RP1: variants seen among roughly 807,000 people sequenced by gnomAD.
RP1 encodes RP1 axonemal microtubule associated, also known as oxygen-regulated protein 1.
In RP1, 16 loss-of-function variants were observed where a neutral mutation model predicts 14.8. That is an observed-to-expected ratio of 1.08 (90% CI 0.73 to 1.65). The LOEUF is 1.65. RP1 is among the 40% of genes most tolerant of loss of function. RP1 has a pLI of 0.00. For missense variants in RP1, 2,631 were observed against 2,535.0 expected (o/e 1.04, Z -0.81); for synonymous variants, 876 against 883.6 (o/e 0.99, Z 0.15).
At chr8:54,853,994 AAAGAAAAGAAAAGAAATGAAGG>A (rs1178582673) in intron 26 of RP1, among the ~76,000 whole-genome samples, 2 of 151,920 alleles carry the variant, frequency 1.3e-5, no homozygotes, top group African/African-American at 4.8e-5. Flanking sequence ...AGGAAGAAAG[AAAGAAAAGAAAAGAAATGAAGG>A]AAAGAAAATA....
At chr8:54,718,762 C>T (rs974584488) in intron 15 of RP1, among the ~76,000 whole-genome samples, 4 of 152,120 alleles carry the variant, frequency 2.6e-5, no homozygotes, top group South Asian at 2.1e-4. Flanking sequence ...TATACCATTC[C>T]AATTATAGGA....
chr8:54,862,179 A>T (rs1812356144), intron 27 of RP1, among the ~76,000 whole-genome samples: 1 of 152,182 alleles, frequency 6.6e-6, no homozygotes, highest in South Asian at 2.1e-4. Flanking sequence ...AAATCCGTAG[A>T]AGTCAGTTGC....
At chr8:54,724,838 T>C (rs1250932899) in intron 16 of RP1, among the ~76,000 whole-genome samples, 1 of 152,196 alleles carries the variant, frequency 6.6e-6, no homozygotes, top group East Asian at 1.9e-4. Context: ...TTTTGAGAAG[T>C]GGAGGTAGAA....
intron 24 of RP1, among the ~76,000 whole-genome samples, chr8:54,822,665 A>G (rs577117712): frequency 6.6e-6 from 1 of 152,350 alleles, no homozygotes; most frequent in Admixed American, 6.5e-5. Context: ...AGGGAAAAAT[A>G]TAGAGAACTA....
chr8:54,831,838 T>A (rs1347237373), intron 24 of RP1, among the ~76,000 whole-genome samples: 4 of 151,806 alleles, frequency 2.6e-5, no homozygotes, highest in Non-Finnish European at 4.4e-5. Context: ...GTAGTACAAG[T>A]TGGCTAGTTA....
chr8:54,774,759 A>G (rs1809993179), downstream of RP1, among the ~76,000 whole-genome samples: 1 of 152,230 alleles, frequency 6.6e-6, no homozygotes, highest in African/African-American at 2.4e-5. Context: ...CTGAAACAGT[A>G]ATAAAATACA....
intron 22 of RP1, among the ~76,000 whole-genome samples, chr8:54,768,785 T>C (rs1809828331): frequency 6.6e-6 from 1 of 152,194 alleles, no homozygotes; most frequent in Non-Finnish European, 1.5e-5. Flanking sequence ...AGGGAGCTTC[T>C]AACACTAAAG....
intron 1 of RP1, among the ~76,000 whole-genome samples, chr8:54,599,961 G>C (rs1377739915): frequency 6.6e-6 from 1 of 152,098 alleles, no homozygotes; most frequent in Non-Finnish European, 1.5e-5. Flanking sequence ...TGGAAGCTCT[G>C]GCCACTTACA....
chr8:54,794,176 T>A (rs1318038560), intron 24 of RP1, among the ~76,000 whole-genome samples: 1 of 151,708 alleles, frequency 6.6e-6, no homozygotes, highest in Non-Finnish European at 1.5e-5. Flanking sequence ...CTATCAAAAT[T>A]TCAATAGCAT....
rs1807236479 is a variant in RP1, at chr8:54,673,929, G to C, written c.1402+1G>C. On this transcript the variant is annotated splice_donor_variant, in intron 8 of 22. Transcript: ENST00000636932. LOFTEE classifies it high-confidence loss of function. ...ATAGGCCATGATGGACTTGGCCCAGGTAAGACTCTTCCACAGAGAGTTCAT... is the reference window on the plus strand; with the variant it reads ...ATAGGCCATGATGGACTTGGCCCAGCTAAGACTCTTCCACAGAGAGTTCAT... 1 of 1,534,328 alleles carries C rather than the reference G, an allele frequency of 6.5e-7. No homozygotes were observed. Among genetic ancestry groups the C allele is most frequent in the African/African-American group, 1.4e-5 (1 of 72,958 alleles).
Position 54,630,368 on chromosome 8 carries a change from C to T in RP1, c.*15C>T. ...AAGATTTATAATTTCAATATCAGCA[C>T]ACTCATTCTTTGTCAATTCATTTTT... On this transcript the variant is annotated 3_prime_UTR_variant, in exon 4 of 4. Transcript: ENST00000220676. 1.9e-6 allele frequency: 3 copies of T among 1,613,038 alleles called. No individual in the cohort carries two copies. The highest frequency in any genetic ancestry group is 2.5e-6 in the Non-Finnish European group (3 of 1,179,466).
At chr8:54,756,648 G>C (rs140083282) in intron 21 of RP1, among the ~76,000 whole-genome samples, 222 of 152,220 alleles carry the variant, frequency 1.5e-3, no homozygotes, top group African/African-American at 5.2e-3. Context: ...AGATGCCGTG[G>C]TATTATTATT....
intron 6 of RP1, among the ~76,000 whole-genome samples, chr8:54,658,367 C>T (rs1276451202): frequency 1.3e-5 from 2 of 149,466 alleles, no homozygotes; most frequent in African/African-American, 2.5e-5. Flanking sequence ...CCGGCTAAAA[C>T]GGTGAAACCC....
intron 16 of RP1, among the ~76,000 whole-genome samples, chr8:54,723,695 T>A (rs902501928): frequency 1.3e-5 from 2 of 152,218 alleles, no homozygotes; most frequent in African/African-American, 4.8e-5. Flanking sequence ...TTCCTCCAGA[T>A]AATAAGCCTG....
intron 15 of RP1, among the ~76,000 whole-genome samples, chr8:54,710,651 C>T (rs1361953391): frequency 6.6e-6 from 1 of 152,120 alleles, no homozygotes; most frequent in Non-Finnish European, 1.5e-5. Flanking sequence ...CAATGAAAGT[C>T]GCTGTCAGCG....
At chr8:54,855,773 A>G (rs1028575857) in intron 26 of RP1, among the ~76,000 whole-genome samples, 1 of 152,204 alleles carries the variant, frequency 6.6e-6, no homozygotes. Flanking sequence ...AGAAAGAGTC[A>G]ATGAAAATCA....
intron 1 of RP1, among the ~76,000 whole-genome samples, chr8:54,572,808 T>A (rs535938364): frequency 6.6e-6 from 1 of 152,296 alleles, no homozygotes; most frequent in Admixed American, 6.5e-5. Context: ...CTCACCCTGC[T>A]GGTCCCACCC....
At position 54,624,609 on chromosome 8, in the gene RP1, C is replaced by T. The variant is rs1805974853; in HGVS notation, c.788-61C>T. On this transcript the variant is annotated intron_variant, in intron 3 of 3. Transcript: ENST00000220676. ...TGCCTCTTCCTTTGGATATTTCTAA[C>T]TTCTCTGCCTTCCATATTATATTTT... 1.5e-4 allele frequency: 228 copies of T among 1,545,852 alleles called. 4 individuals carry two copies. The South Asian group carries it at 2.5e-3, about 17-fold the overall frequency.
chr8:54,678,605 T>C (rs1307970169), intron 9 of RP1: 20 of 1,294,120 alleles, frequency 1.5e-5, no homozygotes, highest in Middle Eastern at 1.8e-4. Flanking sequence ...CATTGAGAAC[T>C]GGGTAACTTA....
Sources: allele counts gnomAD v4.1 joint callset (sites outside exome capture counted in the v4.1 genomes callset), GRCh38; gene constraint gnomAD v4.1.1; transcripts MANE v1.5; gene names NCBI Gene and HGNC (gene_info 2026-07-23, HGNC 2026-07-21).